The following LOC128092252 variants were observed in gnomAD, a reference collection of about 807,000 sequenced individuals.
the LOC128092252 span, among the ~76,000 whole-genome samples, chr15:50,666,071 G>C: frequency 6.6e-6 from 1 of 151,868 alleles, no homozygotes; most frequent in Non-Finnish European, 1.5e-5. Flanking sequence ...AAAGAATAAA[G>C]TCAAAGGAAA....
At chr15:50,663,900 A>G in the LOC128092252 span, among the ~76,000 whole-genome samples, 25 of 151,962 alleles carry the variant, frequency 1.6e-4, no homozygotes, top group Non-Finnish European at 2.8e-4. Flanking sequence ...GAGGCTGAGG[A>G]TGCAGTCAGC....
chr15:50,661,306 G>T, the LOC128092252 span, among the ~76,000 whole-genome samples: 11 of 152,048 alleles, frequency 7.2e-5, no homozygotes, highest in African/African-American at 2.7e-4. Context: ...AATATCTGTA[G>T]TATGAAAAGC....
chr15:50,656,214 T>G, the LOC128092252 span, among the ~76,000 whole-genome samples: 1 of 152,086 alleles, frequency 6.6e-6, no homozygotes, highest in East Asian at 1.9e-4. Context: ...AGACACCAGA[T>G]GGAACCTCAC....
chr15:50,653,161 G>A, the LOC128092252 span, among the ~76,000 whole-genome samples: 5 of 151,966 alleles, frequency 3.3e-5, no homozygotes, highest in African/African-American at 1.2e-4. Flanking sequence ...CCCCCAAAAA[G>A]AAAAAAGAAA....
the LOC128092252 span, among the ~76,000 whole-genome samples, chr15:50,657,130 C>A: frequency 2.0e-5 from 3 of 152,082 alleles, no homozygotes; most frequent in Non-Finnish European, 4.4e-5. Flanking sequence ...TCAAGACCAG[C>A]CTGGCCAACA....
the LOC128092252 span, among the ~76,000 whole-genome samples, chr15:50,684,818 AC>A: frequency 6.6e-6 from 1 of 152,184 alleles, no homozygotes; most frequent in South Asian, 2.1e-4. Context: ...GGTACTAGAG[AC>A]TGAAAGAGTT....
the LOC128092252 span, among the ~76,000 whole-genome samples, chr15:50,652,131 G>A: frequency 6.2e-4 from 94 of 151,126 alleles, no homozygotes; most frequent in African/African-American, 2.2e-3. Flanking sequence ...TCAGGAGTTC[G>A]AGACCAGCCT....
chr15:50,671,005 G>A, the LOC128092252 span, among the ~76,000 whole-genome samples: 4,555 of 152,070 alleles, frequency 0.03, 247 homozygotes, highest in African/African-American at 0.1. Flanking sequence ...TATACATTGC[G>A]GAATGGCTAA....
chr15:50,682,439 G>A, the LOC128092252 span, among the ~76,000 whole-genome samples: 18 of 151,750 alleles, frequency 1.2e-4, no homozygotes, highest in African/African-American at 2.9e-4. Context: ...TTAGATGGGC[G>A]TTGTGGTGTG....
chr15:50,677,760 A>AAC, the LOC128092252 span, among the ~76,000 whole-genome samples: 1 of 135,372 alleles, frequency 7.4e-6, no homozygotes, highest in Non-Finnish European at 1.6e-5. Flanking sequence ...AAAAAAAAAA[A>AAC]CAAAAGGTAA....
At chr15:50,686,578 T>C in the LOC128092252 span, 1 of 1,606,522 alleles carries the variant, frequency 6.2e-7, no homozygotes, top group Non-Finnish European at 8.5e-7. Context: ...CTCCACCTCC[T>C]CCTCCTCCGC....
the LOC128092252 span, among the ~76,000 whole-genome samples, chr15:50,652,167 T>C: frequency 6.6e-6 from 1 of 150,902 alleles, no homozygotes; most frequent in East Asian, 2.0e-4. Flanking sequence ...ATCCTGTCTC[T>C]ACTAAAAATA....
the LOC128092252 span, among the ~76,000 whole-genome samples, chr15:50,650,650 G>A: frequency 2.6e-5 from 4 of 152,028 alleles, no homozygotes; most frequent in South Asian, 2.1e-4. Flanking sequence ...AGCCGAGATC[G>A]TGCCACTGCA....
the LOC128092252 span, among the ~76,000 whole-genome samples, chr15:50,662,582 A>T: frequency 6.6e-6 from 1 of 152,202 alleles, no homozygotes; most frequent in African/African-American, 2.4e-5. Context: ...CTTCGACATG[A>T]ACCATAGTGT....
At chr15:50,683,448 A>G in the LOC128092252 span, among the ~76,000 whole-genome samples, 1 of 151,840 alleles carries the variant, frequency 6.6e-6, no homozygotes, top group Non-Finnish European at 1.5e-5. Context: ...AAAAAAAAAA[A>G]AAGAAGCCAG....
the LOC128092252 span, among the ~76,000 whole-genome samples, chr15:50,653,982 G>GT: frequency 6.6e-6 from 1 of 152,118 alleles, no homozygotes; most frequent in Admixed American, 6.6e-5. Context: ...ACCTTAAGAG[G>GT]AAGGTCCACA....
chr15:50,665,931 T>C, the LOC128092252 span, among the ~76,000 whole-genome samples: 1 of 152,068 alleles, frequency 6.6e-6, no homozygotes, highest in South Asian at 2.1e-4. Flanking sequence ...AGGCAGAGCT[T>C]GCAGTGAGCC....
chr15:50,684,071 T>C, the LOC128092252 span, among the ~76,000 whole-genome samples: 1 of 151,986 alleles, frequency 6.6e-6, no homozygotes, highest in Admixed American at 6.6e-5. Flanking sequence ...AGGCTAGTTT[T>C]GAACTCCTGA....
chr15:50,665,226 C>T, the LOC128092252 span, among the ~76,000 whole-genome samples: 18 of 151,804 alleles, frequency 1.2e-4, no homozygotes, highest in Non-Finnish European at 2.4e-4. Context: ...TGGTGAAACC[C>T]GTCTCTACTA....
Sources: gnomAD v4.1 joint callset for allele counts (sites outside exome capture counted in the v4.1 genomes callset) on GRCh38, gnomAD v4.1.1 for gene constraint, MANE v1.5 for transcripts.